CDH23: variants seen among roughly 807,000 people sequenced by gnomAD.
CDH23 encodes cadherin related 23, also known as cadherin-23.
A neutral mutation model predicts 317.1 loss-of-function variants in CDH23; 189 were observed. The ratio of observed to expected loss-of-function variants is 0.60; its 90% CI spans 0.53 to 0.67. The LOEUF is 0.67. Among genes scored for constraint, CDH23 ranks in the 30% least tolerant of loss-of-function variants. CDH23 has a pLI of 0.00. For missense variants in CDH23, 4,401 were observed against 4,592.4 expected, an observed-to-expected ratio of 0.96 and a Z score of 1.20; for synonymous variants, 1,839 against 1,876.8, an observed-to-expected ratio of 0.98 and a Z score of 0.52.
At chr10:71,682,342 C>T (rs562589477) in intron 17 of CDH23, 103 bp from the exon 18 acceptor site, 135 of 1,459,468 alleles carry the variant, frequency 9.2e-5, no homozygotes, top group Non-Finnish European at 1.1e-4. Flanking sequence ...AGAGCTGGCC[C>T]GGGCCATGCC....
intron 27 of CDH23, chr10:71,712,135 C>G (rs990191619): frequency 7.1e-5 from 11 of 154,736 alleles, no homozygotes; most frequent in African/African-American, 2.4e-4. Context: ...CAGCCTCTGC[C>G]TCCATCTGCA....
chr10:71,730,288 C>T (rs1032437225), intron 30 of CDH23, among the ~76,000 whole-genome samples, 181 bp from the exon 31 acceptor site: 4 of 152,198 alleles, frequency 2.6e-5, no homozygotes, highest in African/African-American at 7.2e-5. Context: ...ACCTGCCACG[C>T]GCCAGGTGCT....
intron 3 of CDH23, among the ~76,000 whole-genome samples, chr10:71,488,434 C>G (rs1179837966): frequency 6.6e-6 from 1 of 152,192 alleles, no homozygotes; most frequent in East Asian, 1.9e-4. Context: ...AGAACCTTTT[C>G]TAGTGCTGCC....
chr10:71,611,984 C>G (rs1860924072), intron 9 of CDH23, among the ~76,000 whole-genome samples: 1 of 152,170 alleles, frequency 6.6e-6, no homozygotes, highest in Non-Finnish European at 1.5e-5. Flanking sequence ...GCCTTTCCAG[C>G]TTTGGAGGCA....
chr10:71,556,698 AT>A (rs1856893107), intron 6 of CDH23, among the ~76,000 whole-genome samples: 1 of 152,254 alleles, frequency 6.6e-6, no homozygotes, highest in Non-Finnish European at 1.5e-5. Flanking sequence ...ATATGTATGA[AT>A]TTAAAAGTCA....
At chr10:71,578,346 G>A (rs771460590) in intron 9 of CDH23, among the ~76,000 whole-genome samples, 31 of 152,164 alleles carry the variant, frequency 2.0e-4, no homozygotes, top group Non-Finnish European at 4.3e-4. Flanking sequence ...CTCCTGCAGC[G>A]CTCTGGGTTT....
At chr10:71,739,136 TA>T (rs1189398153) in intron 35 of CDH23, among the ~76,000 whole-genome samples, 1 of 152,196 alleles carries the variant, frequency 6.6e-6, no homozygotes. Flanking sequence ...TTGCATGGTC[TA>T]GGGGGTCGAG....
chr10:71,447,145 A>T (rs1485780089), intron 3 of CDH23, among the ~76,000 whole-genome samples: 1 of 152,168 alleles, frequency 6.6e-6, no homozygotes, highest in Non-Finnish European at 1.5e-5. Flanking sequence ...CGGGTCTGCC[A>T]TCTCTACATG....
intron 3 of CDH23, among the ~76,000 whole-genome samples, chr10:71,505,080 G>A (rs1853561240): frequency 6.6e-6 from 1 of 152,224 alleles, no homozygotes; most frequent in Admixed American, 6.5e-5. Context: ...GGCTCCCCCA[G>A]AAATAGATCT....
At chr10:71,533,527 A>C (rs12263221) in intron 6 of CDH23, among the ~76,000 whole-genome samples, 9 of 48,880 alleles carry the variant, frequency 1.8e-4, no homozygotes, top group African/African-American at 8.5e-4. Flanking sequence ...GCTGGACACC[A>C]CACACACACA....
Position 71,397,860 on chromosome 10 carries a change from A to T in CDH23, c.-6+542A>T, listed in dbSNP as rs991770976. Among the ~76,000 whole-genome samples the T allele has an allele frequency of 6.6e-6, 1 of 151,834 alleles. No individual in the cohort carries two copies. The highest frequency in any genetic ancestry group is 2.4e-5 in the African/African-American group (1 of 41,318). ...CATCAAGTCCCTGTGCCCGCGGGAG[A>T]CCCCAGGGGACTTACACATCCTCCC... On this transcript the variant is annotated intron_variant, in intron 1 of 69. Coordinates refer to ENST00000224721, the MANE Select transcript of CDH23 (RefSeq NM_022124.6). This position sits in a 1 kb window ranked among gnomAD's most constrained non-coding sequence, Gnocchi z 4.8.
chr10:71,449,350 G>A (rs1267298624), intron 3 of CDH23, among the ~76,000 whole-genome samples: 1 of 152,108 alleles, frequency 6.6e-6, no homozygotes, highest in East Asian at 1.9e-4. Context: ...CTTCTCCTTA[G>A]ACACCCAGTG....
chr10:71,617,210 G>A lies in CDH23; in HGVS notation c.951G>A (p.Thr317=), dbSNP rs748537278. ...SHGFILTVKG[T]ELNDDRTPSD... The stretch of plus-strand genomic sequence containing the variant: ...TGACTGATCTCTGTCCATAGGGCAC[G>A]GAGCTGAACGATGACCGCACCCCAT... Residue 317 remains threonine, a synonymous_variant, in exon 11 of 70, where the codon ACG becomes ACA. Transcript: ENST00000224721. The A allele has an allele frequency of 7.4e-6, 12 of 1,612,666 alleles. No individual in the cohort carries two copies. The highest frequency in any genetic ancestry group is 5.3e-5 in the African/African-American group (4 of 74,892).
At chr10:71,422,541 G>T (rs1848863992) in intron 1 of CDH23, among the ~76,000 whole-genome samples, 1 of 152,218 alleles carries the variant, frequency 6.6e-6, no homozygotes, top group South Asian at 2.1e-4. Flanking sequence ...TTCCCCATCT[G>T]TGAAATGAGC....
intron 6 of CDH23, among the ~76,000 whole-genome samples, chr10:71,530,140 T>C (rs998805061): frequency 1.3e-5 from 2 of 151,776 alleles, no homozygotes; most frequent in Admixed American, 6.6e-5. Context: ...TGGGTCCCAT[T>C]AATATATGCT....
intron 14 of CDH23, among the ~76,000 whole-genome samples, chr10:71,648,553 G>T (rs1274664681): frequency 1.3e-5 from 2 of 152,188 alleles, no homozygotes; most frequent in Non-Finnish European, 2.9e-5. Context: ...CTTGGAAAGG[G>T]ATGGGGAAAA....
chr10:71,646,489 G>A lies in CDH23; in HGVS notation c.1321G>A (p.Val441Met). The A allele has an allele frequency of 6.2e-7, 1 of 1,614,010 alleles. No individual in the cohort carries two copies. Among genetic ancestry groups the A allele is most frequent in the Non-Finnish European group, 8.5e-7 (1 of 1,179,908 alleles). ...LFANESVPDH[V>M]GYAKVKITLI... Reference sequence around the variant, plus strand: ...TGCCAATGAGAGTGTGCCTGACCATGTGGGCTATGCCAAGGTGAAGATCAC... The same window carrying A: ...TGCCAATGAGAGTGTGCCTGACCATATGGGCTATGCCAAGGTGAAGATCAC... The change falls in exon 14 of 70, where the codon GTG becomes ATG. Residue 441 changes from valine (V) to methionine (M), a missense_variant. Val to Met is a conservative substitution (Grantham distance 21). Around this residue, in one of 3 missense-constraint regions of CDH23, gnomAD observed 3,068 missense variants for 3,203.3 expected, o/e 0.96. Coordinates refer to ENST00000224721, the MANE Select transcript of CDH23 (RefSeq NM_022124.6).
At chr10:71,532,545 C>T (rs528330983) in intron 6 of CDH23, among the ~76,000 whole-genome samples, 1 of 152,160 alleles carries the variant, frequency 6.6e-6, no homozygotes, top group Non-Finnish European at 1.5e-5. Flanking sequence ...ACGGCAGAAG[C>T]CCTCCCAGAG....
In CDH23 at chr10:71,751,807, C is replaced by A. The variant is rs961111498; in HGVS notation, c.4845+9886C>A. 6.3e-7 allele frequency: 1 copy of A among 1,587,256 alleles called. No individual in the cohort carries two copies. Among genetic ancestry groups the A allele is most frequent in the Non-Finnish European group, 8.6e-7 (1 of 1,167,632 alleles). On this transcript the variant is annotated intron_variant, in intron 38 of 69. Transcript: ENST00000224721. This position sits in a 1 kb window ranked among gnomAD's most constrained non-coding sequence, Gnocchi z 4.9. The stretch of plus-strand genomic sequence containing the variant: ...GGTGCCTGACTTTGGCCTCGGGTAT[C>A]CCCTGGGCAGGTGGTGAGGCTTCAA...
Sources: allele counts gnomAD v4.1 joint callset (sites outside exome capture counted in the v4.1 genomes callset), GRCh38; gene constraint gnomAD v4.1.1; regional missense constraint gnomAD v4.1.1; non-coding constraint Gnocchi (gnomAD v3.1); transcripts MANE v1.5; gene names NCBI Gene and HGNC (gene_info 2026-07-23, HGNC 2026-07-21).